ZNF423: variants seen among roughly 807,000 people sequenced by gnomAD.
ZNF423 encodes the protein Ebf-associated zinc finger protein.
A neutral mutation model predicts 95.8 loss-of-function variants in ZNF423; 12 were observed. The ratio of observed to expected loss-of-function variants is 0.13; its 90% CI spans 0.08 to 0.20. The LOEUF (loss-of-function observed/expected upper bound fraction) is 0.20. Ranked by LOEUF, ZNF423 falls within the 10% of genes least tolerant of loss-of-function variation. The probability of loss-of-function intolerance (pLI) is 1.00; values close to 1 mark genes in which losing one functional copy is unlikely to be tolerated. For synonymous variants in ZNF423, 749 were observed against 711.9 expected, an observed-to-expected ratio of 1.05 and a Z score of -0.83; for missense variants, 1,316 against 1,737.1, an observed-to-expected ratio of 0.76 and a Z score of 4.31.
intron 3 of ZNF423, chr16:49,664,402 G>A: frequency 3.3e-6 from 2 of 597,202 alleles, no homozygotes; most frequent in African/African-American, 2.0e-5. Context: ...AGAGGACAGA[G>A]GAGGCCCAGG....
chr16:49,793,869 A>G (rs2034455020), intron 1 of ZNF423, among the ~76,000 whole-genome samples: 1 of 152,196 alleles, frequency 6.6e-6, no homozygotes, highest in South Asian at 2.1e-4. Context: ...ATGCTAATGA[A>G]GCCCCAGCTC....
chr16:49,715,158 G>A (rs1047833310), intron 3 of ZNF423, among the ~76,000 whole-genome samples: 2 of 152,190 alleles, frequency 1.3e-5, no homozygotes, highest in Non-Finnish European at 2.9e-5. Context: ...AGCACAGGAC[G>A]GGACTCCTAA....
intron 1 of ZNF423, among the ~76,000 whole-genome samples, chr16:49,815,870 C>A (rs58959696): frequency 0.056 from 2,176 of 39,108 alleles, 151 homozygotes; most frequent in Admixed American, 0.18. Flanking sequence ...TCCAAACAAA[C>A]AAAAAAAAAA....
Position 49,635,830 on chromosome 16 carries a change from C to G in ZNF423, c.3346G>C (p.Ala1116Pro), listed in dbSNP as rs946073012. Residue 1116 changes from alanine to proline, a missense_variant, in exon 4 of 8, where the codon GCC becomes CCC. Ala to Pro is a conservative substitution (Grantham distance 27). Transcript: ENST00000563137. This position sits in a 1 kb window ranked among gnomAD's most constrained non-coding sequence, Gnocchi z 4.8. ...RSANGQVGGL[A>P]PPEPADRPCA... ...GGCCGGTCGGCGGGCTCGGGCGGGG[C>G]CAGGCCACCCACCTGTCCGTTGGCG... The G allele has an allele frequency of 6.2e-7, 1 of 1,606,468 alleles. No homozygotes were observed. Among genetic ancestry groups the G allele is most frequent in the African/African-American group, 1.3e-5 (1 of 74,650 alleles).
intron 1 of ZNF423, among the ~76,000 whole-genome samples, chr16:49,846,648 C>G (rs1457164796): frequency 6.6e-6 from 1 of 152,186 alleles, no homozygotes; most frequent in East Asian, 1.9e-4. Context: ...GCCTCCACCC[C>G]AGAGACAGAA....
chr16:49,727,919 G>A (rs1253755044), intron 3 of ZNF423, among the ~76,000 whole-genome samples: 2 of 152,212 alleles, frequency 1.3e-5, no homozygotes, highest in African/African-American at 2.4e-5. Flanking sequence ...CTGGCCAGGG[G>A]GAGCCTGCGA....
intron 2 of ZNF423, chr16:49,764,471 T>C (rs2033890296): frequency 6.5e-6 from 1 of 152,960 alleles, no homozygotes; most frequent in Admixed American, 6.6e-5. Context: ...ACATCTGGAG[T>C]TCATTGCCAG....
intron 1 of ZNF423, among the ~76,000 whole-genome samples, chr16:49,834,735 C>T (rs1178507953): frequency 6.6e-6 from 1 of 152,136 alleles, no homozygotes; most frequent in African/African-American, 2.4e-5. Context: ...GTGCCAGTCC[C>T]TGGGGCCGGG....
In ZNF423 at chr16:49,699,750, G is replaced by T. The variant is rs779885873; in HGVS notation, c.301+31021C>A. ...GTGCTCTTACCATGCCATCCCCACT[G>T]GATGAAAATTGAAGGGGCTCTGGCT... On this transcript the variant is annotated intron_variant, in intron 3 of 7. Transcript: ENST00000563137. 5.1e-4 allele frequency among the ~76,000 whole-genome samples: 77 copies of T among 152,186 alleles called. 1 individual carries two copies. Among genetic ancestry groups the T allele is most frequent in the Non-Finnish European group, 7.2e-4 (49 of 68,038 alleles).
At chr16:49,749,141 C>T (rs1262738499) in intron 2 of ZNF423, among the ~76,000 whole-genome samples, 1 of 152,166 alleles carries the variant, frequency 6.6e-6, no homozygotes, top group Non-Finnish European at 1.5e-5. Context: ...TATCTAGCAG[C>T]ACCAAGTCTC....
At chr16:49,584,090 A>G (rs77681976) in intron 5 of ZNF423, among the ~76,000 whole-genome samples, 2,252 of 152,296 alleles carry the variant, frequency 0.015, 64 homozygotes, top group African/African-American at 0.051. Flanking sequence ...GTAGGCACCA[A>G]CACCCATGTG....
At chr16:49,526,310 A>G (rs1205336568) in intron 5 of ZNF423, among the ~76,000 whole-genome samples, 2 of 152,190 alleles carry the variant, frequency 1.3e-5, no homozygotes, top group Admixed American at 6.5e-5. Context: ...TATGCAGTGG[A>G]TGATGGACAA....
Position 49,489,213 on chromosome 16 carries a change from C to T in ZNF423, c.*2062G>A, listed in dbSNP as rs1966884674. The T allele has an allele frequency of 6.6e-6, 1 of 152,268 alleles. No homozygotes were observed. Among genetic ancestry groups the T allele is most frequent in the African/African-American group, 2.4e-5 (1 of 41,428 alleles). 9.4% of individuals were successfully genotyped at this position (152,268 alleles called of 1,614,324 possible). ...GGATAAATCCAGAGCTGGAGAGGGCCCTGAGACGGAGATGTGGCAGGCCCC... is the reference window on the plus strand; with the variant it reads ...GGATAAATCCAGAGCTGGAGAGGGCTCTGAGACGGAGATGTGGCAGGCCCC... On this transcript the variant is annotated 3_prime_UTR_variant, in exon 8 of 8. Transcript: ENST00000563137.
chr16:49,854,875 C>A (rs2035341810), intron 1 of ZNF423: 1 of 985,368 alleles, frequency 1.0e-6, no homozygotes, highest in Non-Finnish European at 1.2e-6. Flanking sequence ...CGCGCGCACC[C>A]CGGGGAGCCA....
intron 5 of ZNF423, among the ~76,000 whole-genome samples, chr16:49,538,299 A>G (rs11865470): frequency 0.06 from 9,171 of 152,270 alleles, 934 homozygotes; most frequent in African/African-American, 0.21. Flanking sequence ...CCAGGCCCAC[A>G]CACCATAGCA....
intron 5 of ZNF423, among the ~76,000 whole-genome samples, chr16:49,553,564 C>T (rs1000303249): frequency 1.3e-5 from 2 of 151,950 alleles, no homozygotes; most frequent in African/African-American, 2.4e-5. Flanking sequence ...CCAGGCTGGT[C>T]TCAAATGCCT....
chr16:49,662,130 G>A (rs1028890534), intron 3 of ZNF423, among the ~76,000 whole-genome samples: 16 of 152,254 alleles, frequency 1.1e-4, no homozygotes, highest in East Asian at 3.9e-4. Flanking sequence ...TACCCTTCTC[G>A]CGGGCATCCC....
intron 2 of ZNF423, among the ~76,000 whole-genome samples, chr16:49,774,415 G>A (rs1184902284): frequency 6.6e-6 from 1 of 152,126 alleles, no homozygotes; most frequent in African/African-American, 2.4e-5. Flanking sequence ...AGGAGGGGGA[G>A]GTGGGCAGGA....
At chr16:49,526,158 G>A (rs1398260548) in intron 5 of ZNF423, among the ~76,000 whole-genome samples, 1 of 152,154 alleles carries the variant, frequency 6.6e-6, no homozygotes, top group Admixed American at 6.5e-5. Flanking sequence ...CAAGAGTGAG[G>A]TCAGAGAGGC....
Sources: allele counts gnomAD v4.1 joint callset (sites outside exome capture counted in the v4.1 genomes callset), GRCh38; gene constraint gnomAD v4.1.1; non-coding constraint Gnocchi (gnomAD v3.1); transcripts MANE v1.5; gene names NCBI Gene and HGNC (gene_info 2026-07-23, HGNC 2026-07-21).